Variants in TRPM3 observed in about 807,000 individuals in gnomAD.
TRPM3 encodes the protein transient receptor potential cation channel subfamily M member 3.
Under a neutral mutation model 181.2 loss-of-function variants are expected in TRPM3, and 77 were observed. That is an observed-to-expected ratio of 0.42 (90% CI 0.35 to 0.51). The LOEUF (loss-of-function observed/expected upper bound fraction) is 0.51, where lower values mean the gene tolerates loss of function less well. Ranked by LOEUF, TRPM3 falls within the 20% of genes least tolerant of loss-of-function variation. TRPM3 has a pLI of 0.01. For missense variants in TRPM3, 1,759 were observed against 2,196.7 expected (o/e 0.80, Z 3.98); for synonymous variants, 745 against 796.4 (o/e 0.94, Z 1.09).
At chr9:70,655,116 A>C (rs1194301253) in intron 9 of TRPM3, among the ~76,000 whole-genome samples, 1 of 150,192 alleles carries the variant, frequency 6.7e-6, no homozygotes, top group Non-Finnish European at 1.5e-5. Context: ...GACCAGCCTG[A>C]CCAACATGGT....
intron 1 of TRPM3, among the ~76,000 whole-genome samples, chr9:71,375,345 C>T (rs1029325314): frequency 6.6e-6 from 1 of 152,140 alleles, no homozygotes; most frequent in African/African-American, 2.4e-5. Context: ...AACTGGACCC[C>T]TTCCTTACAC....
chr9:70,796,931 C>T (rs34281837), intron 6 of TRPM3, among the ~76,000 whole-genome samples: 26,444 of 152,040 alleles, frequency 0.17, 2,607 homozygotes, highest in South Asian at 0.29. Flanking sequence ...GAGTTCAAGA[C>T]CAGCCTGGAA....
upstream of TRPM3, among the ~76,000 whole-genome samples, chr9:71,126,290 AT>A (rs2074028401): frequency 6.6e-6 from 1 of 152,230 alleles, no homozygotes; most frequent in Admixed American, 6.5e-5. Context: ...GGGAATGTAA[AT>A]TAGTTCAATC....
intron 1 of TRPM3, among the ~76,000 whole-genome samples, chr9:71,389,273 A>C (rs2093001435): frequency 6.6e-6 from 1 of 152,214 alleles, no homozygotes. Context: ...TCAAAACCAC[A>C]ATGTGATACC....
At chr9:71,100,058 A>G (rs1469399901) in intron 1 of TRPM3, among the ~76,000 whole-genome samples, 1 of 152,198 alleles carries the variant, frequency 6.6e-6, no homozygotes, top group Non-Finnish European at 1.5e-5. Context: ...GTCTGACTTC[A>G]GATCTTATTG....
At chr9:70,755,935 G>A (rs545032422) in intron 8 of TRPM3, among the ~76,000 whole-genome samples, 1 of 152,214 alleles carries the variant, frequency 6.6e-6, no homozygotes, top group African/African-American at 2.4e-5. Context: ...AAAATAACCA[G>A]CTAGCATCAT....
At chr9:70,887,016 C>A (rs1239723797) in intron 1 of TRPM3, among the ~76,000 whole-genome samples, 1 of 152,140 alleles carries the variant, frequency 6.6e-6, no homozygotes, top group African/African-American at 2.4e-5. Flanking sequence ...GAAATAAAAT[C>A]AAAACATATG....
At chr9:71,298,126 T>A (rs1350755994) in intron 1 of TRPM3, among the ~76,000 whole-genome samples, 1 of 151,888 alleles carries the variant, frequency 6.6e-6, no homozygotes, top group African/African-American at 2.4e-5. Flanking sequence ...GTAAACTGAG[T>A]CAAATCTAAA....
rs748585607 is a variant in TRPM3 at position 70,553,272 on chromosome 9, T to G, written c.3262A>C (p.Ile1088Leu). 6.2e-7 allele frequency: 1 copy of G among 1,614,124 alleles called. No homozygotes were observed. The change falls in exon 23 of 26, where the codon ATA becomes CTA. Residue 1088 changes from isoleucine to leucine, a missense_variant. Ile to Leu is a conservative substitution (Grantham distance 5). Around this residue, in one of 8 missense-constraint regions of TRPM3, gnomAD observed 94 missense variants for 221.3 expected, o/e 0.42. Transcript: ENST00000677713. ...GQNETREDGK[I>L]IQLPPCKTGA... is the part of the protein sequence containing the mutation. ...GTCTTGCAGGGAGGCAGCTGGATTATTTTACCATCCTCTCGGGTCTCATTC... is the reference window on the plus strand; with the variant it reads ...GTCTTGCAGGGAGGCAGCTGGATTAGTTTACCATCCTCTCGGGTCTCATTC...
intron 1 of TRPM3, among the ~76,000 whole-genome samples, chr9:71,428,249 G>A (rs1284523541): frequency 6.8e-6 from 1 of 147,698 alleles, no homozygotes; most frequent in Non-Finnish European, 1.5e-5. Context: ...CCGCCACCAT[G>A]CCCGGCTTTT....
chr9:71,353,352 G>A (rs2091746146), intron 1 of TRPM3, among the ~76,000 whole-genome samples: 1 of 152,144 alleles, frequency 6.6e-6, no homozygotes, highest in South Asian at 2.1e-4. Flanking sequence ...AACAGTGACT[G>A]GCGGTTAGTA....
intron 1 of TRPM3, among the ~76,000 whole-genome samples, chr9:71,346,783 C>A (rs7869242): frequency 6.6e-6 from 1 of 152,082 alleles, no homozygotes; most frequent in Non-Finnish European, 1.5e-5. Flanking sequence ...CAGAAGGGAA[C>A]AGAGTAGGGG....
chr9:71,252,561 G>C (rs1375841961), intron 1 of TRPM3, among the ~76,000 whole-genome samples: 2 of 152,178 alleles, frequency 1.3e-5, no homozygotes, highest in South Asian at 4.1e-4. Context: ...TTAGGAGTAG[G>C]TTTCAGTGAC....
chr9:70,845,880 T>C (rs1261104725), intron 4 of TRPM3, among the ~76,000 whole-genome samples: 1 of 152,254 alleles, frequency 6.6e-6, no homozygotes, highest in Non-Finnish European at 1.5e-5. Flanking sequence ...CAGAGTGAGA[T>C]GTGTCTTCCA....
chr9:70,962,517 A>C (rs191083962), intron 1 of TRPM3, among the ~76,000 whole-genome samples: 24 of 152,164 alleles, frequency 1.6e-4, no homozygotes, highest in Admixed American at 1.2e-3. Context: ...TCTTTCACTC[A>C]CCTATGGTAA....
intron 6 of TRPM3, among the ~76,000 whole-genome samples, chr9:70,787,978 A>G (rs566777760): frequency 6.7e-6 from 1 of 149,038 alleles, no homozygotes; most frequent in East Asian, 2.0e-4. Context: ...TGTCCCCGCT[A>G]CCAGCTACTA....
chr9:70,691,331 A>G (rs951273402), intron 8 of TRPM3, among the ~76,000 whole-genome samples: 4 of 152,144 alleles, frequency 2.6e-5, no homozygotes, highest in African/African-American at 9.6e-5. Context: ...ATTAGAAAAA[A>G]TAAGCGATTA....
At chr9:71,016,262 C>G (rs677645) in intron 1 of TRPM3, among the ~76,000 whole-genome samples, 105,935 of 139,284 alleles carry the variant, frequency 0.76, 37,062 homozygotes, top group Middle Eastern at 0.83. Flanking sequence ...GTGTGTGTAT[C>G]TGTGTGTGTA....
intron 1 of TRPM3, among the ~76,000 whole-genome samples, chr9:71,271,672 G>C (rs926668669): frequency 6.6e-6 from 1 of 151,934 alleles, no homozygotes; most frequent in Non-Finnish European, 1.5e-5. Context: ...GATTCGCTGG[G>C]CCTGGCTTAA....
Sources: gnomAD v4.1 joint callset for allele counts (sites outside exome capture counted in the v4.1 genomes callset) on GRCh38, gnomAD v4.1.1 for gene constraint, gnomAD v4.1.1 regional missense constraint, MANE v1.5 for transcripts, NCBI Gene and HGNC (gene_info 2026-07-23, HGNC 2026-07-21) for gene names.